MELK: variants seen among roughly 807,000 people sequenced by gnomAD.
MELK encodes the protein maternal embryonic leucine zipper kinase, also known as pEg3 kinase.
Under a neutral mutation model 85.0 loss-of-function variants are expected in MELK, and 81 were observed. The ratio of observed to expected loss-of-function variants is 0.95; its 90% CI spans 0.80 to 1.15. The LOEUF (loss-of-function observed/expected upper bound fraction) is 1.15, where lower values mean the gene tolerates loss of function less well. Among genes scored for constraint, MELK ranks in the 50% most tolerant of loss-of-function variants. The pLI, the probability that MELK is intolerant of heterozygous loss-of-function variation, is 0.00. For synonymous variants in MELK, 252 were observed against 265.0 expected, an observed-to-expected ratio of 0.95 and a Z score of 0.48; for missense variants, 754 against 777.5, an observed-to-expected ratio of 0.97 and a Z score of 0.36.
chr9:36,619,912 G>GA (rs1421282092), intron 8 of MELK, among the ~76,000 whole-genome samples: 1 of 152,156 alleles, frequency 6.6e-6, no homozygotes, highest in East Asian at 1.9e-4. Context: ...TGGTTGATCA[G>GA]AAAAAATAAA....
intron 11 of MELK, 118 bp from the exon 12 acceptor site, chr9:36,651,628 A>G (rs1265082646): frequency 2.4e-6 from 3 of 1,225,914 alleles, no homozygotes; most frequent in African/African-American, 1.5e-5. Flanking sequence ...TATGCTGTGT[A>G]AACCTATTGG....
intron 13 of MELK, among the ~76,000 whole-genome samples, chr9:36,661,557 G>GT (rs1831816447): frequency 2.0e-5 from 3 of 152,124 alleles, no homozygotes; most frequent in Admixed American, 2.0e-4. Flanking sequence ...ATTAAAGAAA[G>GT]TAAGATTTCC....
intron 10 of MELK, among the ~76,000 whole-genome samples, chr9:36,636,731 T>TCTTC (rs1829186299): frequency 2.0e-5 from 1 of 50,386 alleles, no homozygotes; most frequent in Non-Finnish European, 4.1e-5. Flanking sequence ...CAACTGGATT[T>TCTTC]CTTTCTTTCT....
chr9:36,574,641 A>G (rs1821456277), intron 1 of MELK, among the ~76,000 whole-genome samples: 1 of 152,042 alleles, frequency 6.6e-6, no homozygotes, highest in Admixed American at 6.6e-5. Flanking sequence ...ACCATTCTGT[A>G]TTCTACTTCC....
At chr9:36,574,902 C>T (rs553960083) in intron 1 of MELK, among the ~76,000 whole-genome samples, 21 of 151,356 alleles carry the variant, frequency 1.4e-4, no homozygotes, top group Non-Finnish European at 2.4e-4. Context: ...TTTGGGAGGC[C>T]GAGGCAGATG....
At chr9:36,599,524 GAC>G (rs1824688198) in intron 7 of MELK, 38 bp downstream of exon 7, 1 of 1,504,932 alleles carries the variant, frequency 6.6e-7, no homozygotes, top group African/African-American at 1.4e-5. Context: ...ATAATCAGCA[GAC>G]ATTTATATTG....
At chr9:36,582,260 G>A (rs1264730616) in intron 2 of MELK, among the ~76,000 whole-genome samples, 11 of 152,160 alleles carry the variant, frequency 7.2e-5, no homozygotes, top group East Asian at 3.8e-4. Flanking sequence ...GAGCCACCGC[G>A]CCCAGGCTTC....
At chr9:36,650,934 G>A (rs183187550) in intron 11 of MELK, among the ~76,000 whole-genome samples, 27 of 152,278 alleles carry the variant, frequency 1.8e-4, no homozygotes, top group African/African-American at 6.3e-4. Context: ...AGTTCAATTT[G>A]TAAGGAATAA....
intron 7 of MELK, among the ~76,000 whole-genome samples, chr9:36,599,792 G>T (rs1824722018): frequency 6.6e-6 from 1 of 152,178 alleles, no homozygotes; most frequent in Admixed American, 6.6e-5. Flanking sequence ...AAAAGACGAA[G>T]GTTCCAGGCT....
intron 13 of MELK, among the ~76,000 whole-genome samples, chr9:36,663,092 C>G (rs200468203): frequency 8.0e-6 from 1 of 125,062 alleles, no homozygotes; most frequent in African/African-American, 3.0e-5. Context: ...TTTTTTTTTT[C>G]TTTTTGAGAC....
At chr9:36,606,521 TGTATATA>T (rs1825532232) in intron 7 of MELK, among the ~76,000 whole-genome samples, 1 of 134,078 alleles carries the variant, frequency 7.5e-6, no homozygotes, top group South Asian at 2.3e-4. Context: ...TGTATAGGTG[TGTATATA>T]ATATATAATA....
intron 14 of MELK, among the ~76,000 whole-genome samples, chr9:36,668,219 T>G (rs1832564749): frequency 6.6e-6 from 1 of 152,242 alleles, no homozygotes. Flanking sequence ...AAAACTGTTT[T>G]TATAAATATT....
At chr9:36,603,335 G>A (rs962025248) in intron 7 of MELK, among the ~76,000 whole-genome samples, 1 of 152,008 alleles carries the variant, frequency 6.6e-6, no homozygotes, top group Non-Finnish European at 1.5e-5. Context: ...TCACAGTCCT[G>A]ATCATGCTTT....
intron 3 of MELK, among the ~76,000 whole-genome samples, chr9:36,588,398 A>C (rs905550672): frequency 2.4e-5 from 3 of 125,520 alleles, no homozygotes; most frequent in Non-Finnish European, 4.8e-5. Flanking sequence ...TTTTTTTTTG[A>C]GACGGAGTTT....
At chr9:36,629,819 A>AT (rs1017483747) in intron 8 of MELK, among the ~76,000 whole-genome samples, 2 of 127,860 alleles carry the variant, frequency 1.6e-5, no homozygotes, top group African/African-American at 5.7e-5. Context: ...AATATGCCCG[A>AT]TTTTTTCTTT....
At chr9:36,606,565 ATATATAATATATACATATGTATAGGTGTG>A (rs1491232934) in intron 7 of MELK, among the ~76,000 whole-genome samples, 1 of 136,524 alleles carries the variant, frequency 7.3e-6, no homozygotes, top group African/African-American at 2.8e-5. Flanking sequence ...TGTGTATATA[ATATATAATATATACATATGTATAGGTGTG>A]TATATAATAT....
chr9:36,641,971 T>C (rs1015186121), intron 10 of MELK, among the ~76,000 whole-genome samples: 9 of 152,108 alleles, frequency 5.9e-5, no homozygotes, highest in Admixed American at 5.9e-4. Context: ...TCCTGTGTAA[T>C]CTTCTGAGCT....
intron 10 of MELK, among the ~76,000 whole-genome samples, chr9:36,640,079 G>A (rs898030353): frequency 1.3e-5 from 2 of 152,174 alleles, no homozygotes; most frequent in African/African-American, 4.8e-5. Context: ...AGTACCACTA[G>A]TATAAACCTT....
chr9:36,603,914 CTTTAAG>C (rs879454640), intron 7 of MELK, among the ~76,000 whole-genome samples: 5 of 152,094 alleles, frequency 3.3e-5, no homozygotes, highest in African/African-American at 7.2e-5. Context: ...TTTTATTCCT[CTTTAAG>C]TTTAACCCTA....
Sources: allele counts gnomAD v4.1 joint callset (sites outside exome capture counted in the v4.1 genomes callset), GRCh38; gene constraint gnomAD v4.1.1; transcripts MANE v1.5; gene names NCBI Gene and HGNC (gene_info 2026-07-23, HGNC 2026-07-21).